Variants in MAF observed in about 807,000 individuals in gnomAD.
MAF encodes the protein MAF bZIP transcription factor.
MAF carries 10 observed loss-of-function variants against 22.0 expected under a neutral mutation model. The observed-to-expected ratio is 0.45, with a 90% confidence interval of 0.28 to 0.77. The LOEUF (loss-of-function observed/expected upper bound fraction) is 0.77, where lower values mean the gene tolerates loss of function less well. Among genes scored for constraint, MAF ranks in the 30% least tolerant of loss-of-function variants. The pLI, the probability that MAF is intolerant of heterozygous loss-of-function variation, is 0.12. For synonymous variants in MAF, 337 were observed against 255.8 expected (o/e 1.32, Z -3.03); for missense variants, 544 against 548.4 (o/e 0.99, Z 0.08).
chr16:79,596,301 T>A, intron 1 of MAF: 2 of 1,059,722 alleles, frequency 1.9e-6, no homozygotes, highest in Non-Finnish European at 2.3e-6. Context: ...TATTAAATAT[T>A]GCTAATCAGT....
the MAF span, among the ~76,000 whole-genome samples, chr16:79,231,707 A>G: frequency 3.9e-5 from 6 of 152,206 alleles, no homozygotes; most frequent in East Asian, 1.2e-3. Flanking sequence ...GGCACCAGGG[A>G]CTGGTTTCAC....
chr16:79,585,769 G>C (rs181500000), downstream of MAF: 6 of 573,148 alleles, frequency 1.0e-5, no homozygotes, highest in African/African-American at 3.8e-5. Context: ...CACCTAAAAA[G>C]TTAGCAGCAT....
the MAF span, among the ~76,000 whole-genome samples, chr16:79,358,268 T>A: frequency 1.4e-4 from 21 of 152,114 alleles, no homozygotes; most frequent in Non-Finnish European, 2.8e-4. Context: ...GGGGTCCTGG[T>A]CGAGAGTTCC....
the MAF span, chr16:79,212,139 C>G: frequency 2.6e-6 from 4 of 1,520,918 alleles, no homozygotes; most frequent in African/African-American, 1.4e-5. Context: ...GCCTGAGGTC[C>G]CCTCGTCCCA....
chr16:79,583,222 A>T (rs1391969350), downstream of MAF, among the ~76,000 whole-genome samples: 1 of 152,168 alleles, frequency 6.6e-6, no homozygotes, highest in African/African-American at 2.4e-5. Context: ...AGTACTTTTT[A>T]CTGTTTTTGT....
chr16:79,338,064 G>T, the MAF span, among the ~76,000 whole-genome samples: 1 of 152,204 alleles, frequency 6.6e-6, no homozygotes, highest in Non-Finnish European at 1.5e-5. Flanking sequence ...GGAGCCCATA[G>T]TCCAATGGGG....
the MAF span, among the ~76,000 whole-genome samples, chr16:79,441,247 T>G: frequency 6.6e-6 from 1 of 152,234 alleles, no homozygotes; most frequent in African/African-American, 2.4e-5. Flanking sequence ...TTATACCTAA[T>G]TTCTAAATGT....
the MAF span, among the ~76,000 whole-genome samples, chr16:79,371,431 T>G: frequency 6.6e-6 from 1 of 152,194 alleles, no homozygotes; most frequent in Admixed American, 6.5e-5. Context: ...AAATATGTGC[T>G]CATCTTCAAC....
the MAF span, among the ~76,000 whole-genome samples, chr16:79,226,231 G>C: frequency 3.3e-5 from 5 of 152,162 alleles, no homozygotes; most frequent in Non-Finnish European, 7.3e-5. Context: ...CCTTTGCAGG[G>C]ACATGGATGA....
At chr16:79,215,377 A>C in the MAF span, among the ~76,000 whole-genome samples, 1 of 152,308 alleles carries the variant, frequency 6.6e-6, no homozygotes, top group African/African-American at 2.4e-5. Flanking sequence ...CCATCTTAAA[A>C]TCTTAGGCTG....
chr16:79,564,382 G>C, the MAF span, among the ~76,000 whole-genome samples: 1 of 152,230 alleles, frequency 6.6e-6, no homozygotes, highest in Non-Finnish European at 1.5e-5. Context: ...TGAGGAATCA[G>C]TTTATAGCCG....
At chr16:79,387,864 A>G in the MAF span, among the ~76,000 whole-genome samples, 2 of 152,206 alleles carry the variant, frequency 1.3e-5, no homozygotes, top group Non-Finnish European at 2.9e-5. Flanking sequence ...AAATTAAGCT[A>G]ATTTCTTATT....
chr16:79,561,440 A>G, the MAF span, among the ~76,000 whole-genome samples: 1,356 of 151,162 alleles, frequency 9.0e-3, 28 homozygotes, highest in African/African-American at 0.032. Flanking sequence ...ACCATTAGGT[A>G]TATCTCCTAA....
At chr16:79,361,471 T>G in the MAF span, among the ~76,000 whole-genome samples, 4 of 152,164 alleles carry the variant, frequency 2.6e-5, no homozygotes, top group Non-Finnish European at 5.9e-5. Context: ...AATAAGAACA[T>G]AGCAGGTTAA....
the MAF span, among the ~76,000 whole-genome samples, chr16:79,366,305 A>C: frequency 6.6e-6 from 1 of 152,226 alleles, no homozygotes; most frequent in African/African-American, 2.4e-5. Context: ...TTGGAAACTT[A>C]AGTAGAGGAT....
At chr16:79,289,735 G>GAT in the MAF span, among the ~76,000 whole-genome samples, 1 of 152,030 alleles carries the variant, frequency 6.6e-6, no homozygotes, top group Non-Finnish European at 1.5e-5. Context: ...CTTCCAAGGT[G>GAT]TCACAACTCA....
the MAF span, among the ~76,000 whole-genome samples, chr16:79,226,028 G>A: frequency 6.6e-6 from 1 of 152,044 alleles, no homozygotes; most frequent in East Asian, 1.9e-4. Flanking sequence ...CCCATTACTG[G>A]GTATATACCC....
At chr16:79,362,938 A>C in the MAF span, among the ~76,000 whole-genome samples, 1 of 152,126 alleles carries the variant, frequency 6.6e-6, no homozygotes, top group South Asian at 2.1e-4. Flanking sequence ...CCCTGCATTA[A>C]GCTTCTTTTA....
chr16:79,450,920 A>G, the MAF span, among the ~76,000 whole-genome samples: 1 of 152,184 alleles, frequency 6.6e-6, no homozygotes, highest in African/African-American at 2.4e-5. Flanking sequence ...ATTTATTACC[A>G]TAGCAGAGAA....
Sources: allele counts gnomAD v4.1 joint callset (sites outside exome capture counted in the v4.1 genomes callset), GRCh38; gene constraint gnomAD v4.1.1; transcripts MANE v1.5; gene names NCBI Gene and HGNC (gene_info 2026-07-23, HGNC 2026-07-21).